HPSE: variants seen among roughly 807,000 people sequenced by gnomAD.
HPSE encodes endo-glucoronidase.
In HPSE, 48 loss-of-function variants were observed where a neutral mutation model predicts 65.1. The observed-to-expected ratio is 0.74, with a 90% confidence interval of 0.58 to 0.94. The LOEUF (loss-of-function observed/expected upper bound fraction) is 0.94, where lower values mean the gene tolerates loss of function less well. Ranked by LOEUF, HPSE falls within the 40% of genes least tolerant of loss-of-function variation. The pLI is 0.00. For synonymous variants in HPSE, 243 were observed against 260.0 expected, an observed-to-expected ratio of 0.93 and a Z score of 0.63; for missense variants, 644 against 637.5, an observed-to-expected ratio of 1.01 and a Z score of -0.11.
At chr4:83,320,207 G>T (rs952735822) in intron 2 of HPSE, among the ~76,000 whole-genome samples, 1 of 152,202 alleles carries the variant, frequency 6.6e-6, no homozygotes, top group East Asian at 1.9e-4. Context: ...GGGAACCGTT[G>T]ACTTTTTTTC....
chr4:83,319,814 A>T (rs1186611550), intron 2 of HPSE, among the ~76,000 whole-genome samples: 5 of 152,144 alleles, frequency 3.3e-5, no homozygotes, highest in Non-Finnish European at 2.9e-5. Context: ...TAATCCCAGC[A>T]CTTTGGGAGG....
intron 9 of HPSE, among the ~76,000 whole-genome samples, chr4:83,303,529 T>G (rs1481153259): frequency 6.6e-6 from 1 of 152,170 alleles, no homozygotes; most frequent in Non-Finnish European, 1.5e-5. Context: ...AGTATTGTGT[T>G]TTTACAAAAA....
intron 1 of HPSE, among the ~76,000 whole-genome samples, chr4:83,332,203 C>T (rs376650230): frequency 3.9e-5 from 6 of 152,240 alleles, no homozygotes; most frequent in Admixed American, 1.3e-4. Flanking sequence ...AAACAACAGG[C>T]GTCTTACTCT....
rs1736928449 is a variant in HPSE, at chr4:83,322,225, T to G, written c.367A>C (p.Asn123His). 2 of 1,613,026 alleles carry G rather than the reference T, an allele frequency of 1.2e-6. No individual in the cohort carries two copies. Among genetic ancestry groups the G allele is most frequent in the Non-Finnish European group, 8.5e-7 (1 of 1,179,562 alleles). Reference protein sequence around the residue: ...EERSYWQSQVNQDICKYGSIP... With the variant: ...EERSYWQSQVHQDICKYGSIP... ...AATCTTTAAAAATTTTCACCCTGGT[T>G]GACTTGAGATTGCCAGTAACTTCTC... Residue 123 changes from asparagine (N) to histidine (H), a missense_variant, in exon 2 of 12, where the codon AAC becomes CAC. Coordinates refer to ENST00000311412, the MANE Select transcript of HPSE (RefSeq NM_001098540.3).
chr4:83,302,377 T>C, intron 9 of HPSE, 109 bp from the exon 10 acceptor site: 2 of 687,578 alleles, frequency 2.9e-6, no homozygotes. Context: ...GTATCACTGT[T>C]ATCCTGGGGG....
chr4:83,306,668 G>A (rs1371636477), intron 8 of HPSE, among the ~76,000 whole-genome samples: 2 of 152,182 alleles, frequency 1.3e-5, no homozygotes, highest in African/African-American at 4.8e-5. Context: ...ATTCCTGGGT[G>A]TAGGCTGAAC....
At chr4:83,315,707 G>A (rs1324576880) in intron 3 of HPSE, among the ~76,000 whole-genome samples, 1 of 152,150 alleles carries the variant, frequency 6.6e-6, no homozygotes, top group Non-Finnish European at 1.5e-5. Flanking sequence ...CTAAAGTCCT[G>A]GGACAAGCAC....
Position 83,302,179 on chromosome 4 carries a change from T to G in HPSE, c.1296A>C (p.Arg432=), listed in dbSNP as rs1282144632. 6 of 1,613,580 alleles carry G rather than the reference T, an allele frequency of 3.7e-6. No individual in the cohort carries two copies. In the Admixed American group the frequency reaches 6.7e-5, roughly 18 times the overall value. ...CAGTGTTTGTGCAATGAAGGTATAC[T>G]CGAAGCTTCCTTCTCTTTGAACCTT... ...SVQGSKRRKL[R]VYLHCTNTDN... The change falls in exon 10 of 12, where the codon CGA becomes CGC. Residue 432 remains arginine, a synonymous_variant. Transcript: ENST00000311412.
chr4:83,334,692 G>A lies in HPSE; in HGVS notation c.91C>T (p.Arg31Ter), dbSNP rs1428598283. Residue 31 changes from arginine to a stop codon, truncating the protein, a stop_gained, in exon 1 of 12, where the codon CGA becomes TGA. Coordinates refer to ENST00000311412, the MANE Select transcript of HPSE (RefSeq NM_001098540.3). LOFTEE classifies it high-confidence loss of function. Reference sequence around the variant, plus strand: ...ACGACGTCCTGTGCTTGCGCAGGTCGGGGCAGGGCGCCAGGGGAGAGGGGA... The same window carrying A: ...ACGACGTCCTGTGCTTGCGCAGGTCAGGGCAGGGCGCCAGGGGAGAGGGGA... ...LGPLSPGALPRPAQAQDVVDL... is the reference protein window; with the variant it reads ...LGPLSPGALP 1 of 1,570,482 alleles carries A rather than the reference G, an allele frequency of 6.4e-7. No homozygotes were observed. The highest frequency in any genetic ancestry group is 8.6e-7 in the Non-Finnish European group (1 of 1,157,674).
intron 11 of HPSE, among the ~76,000 whole-genome samples, chr4:83,298,694 A>G (rs1450203674): frequency 1.3e-5 from 2 of 151,964 alleles, no homozygotes; most frequent in Non-Finnish European, 2.9e-5. Flanking sequence ...CAGGTGTGGT[A>G]GCATAAGCCT....
At chr4:83,309,080 T>C in intron 7 of HPSE, 129 bp from the exon 8 acceptor site, 1 of 679,754 alleles carries the variant, frequency 1.5e-6, no homozygotes, top group East Asian at 2.7e-5. Context: ...AGTTATAAAA[T>C]ATGTTCATAG....
At chr4:83,319,961 A>C (rs1228556447) in intron 2 of HPSE, among the ~76,000 whole-genome samples, 2 of 147,584 alleles carry the variant, frequency 1.4e-5, no homozygotes, top group Non-Finnish European at 3.0e-5. Flanking sequence ...CGGAGGTTGC[A>C]GTGAGCCGAG....
At chr4:83,296,684 A>G (rs992018290) in intron 11 of HPSE, among the ~76,000 whole-genome samples, 4 of 151,940 alleles carry the variant, frequency 2.6e-5, no homozygotes, top group African/African-American at 4.8e-5. Flanking sequence ...AAAGAAAAAA[A>G]AAAAAAAGAA....
chr4:83,295,441 A>G lies in HPSE; in HGVS notation c.1535T>C (p.Met512Thr), dbSNP rs748501273. The G allele has an allele frequency of 2.2e-5, 35 of 1,613,414 alleles. No homozygotes were observed. In the East Asian group the frequency reaches 2.5e-4, roughly 11 times the overall value. ...ACTTCCTGGCCGGAGAGGTTTTTCCATTAAAGGTGGCAAGGTTTGATCATC... is the reference window on the plus strand; with the variant it reads ...ACTTCCTGGCCGGAGAGGTTTTTCCGTTAAAGGTGGCAAGGTTTGATCATC... The part of the protein sequence containing the change: ...MVDDQTLPPL[M>T]EKPLRPGSSL... Residue 512 changes from methionine (M) to threonine (T), a missense_variant, in exon 12 of 12, where the codon ATG becomes ACG. Physicochemically the swap from Met to Thr is moderately conservative, Grantham distance 81 (BLOSUM62 -1). Coordinates refer to ENST00000311412, the MANE Select transcript of HPSE (RefSeq NM_001098540.3).
At position 83,309,099 on chromosome 4, in the gene HPSE, G is replaced by A. The variant is rs541901637; in HGVS notation, c.985-148C>T. 9.0e-6 allele frequency: 6 copies of A among 663,570 alleles called. No individual in the cohort carries two copies. In the East Asian group the frequency reaches 1.4e-4, roughly 15 times the overall value. 41.1% of individuals were successfully genotyped at this position (663,570 alleles called of 1,614,324 possible). A position where few individuals can be genotyped will look rare whatever the true frequency, so the allele number is the denominator to read the frequency against. On this transcript the variant is annotated intron_variant, in intron 7 of 11. Coordinates refer to ENST00000311412, the MANE Select transcript of HPSE (RefSeq NM_001098540.3). ...ATAAAATATGTTCATAGTCATTTAG[G>A]TCTTGGGAAACTTTCTTTTATTGAA...
intron 2 of HPSE, 89 bp downstream of exon 2, chr4:83,322,130 T>C: frequency 2.8e-6 from 3 of 1,089,766 alleles, no homozygotes; most frequent in Non-Finnish European, 4.1e-6. Context: ...CATTAATTGT[T>C]AGGTGTGAGA....
At chr4:83,332,929 CA>C (rs1208771193) in intron 1 of HPSE, among the ~76,000 whole-genome samples, 14 of 151,040 alleles carry the variant, frequency 9.3e-5, no homozygotes, top group African/African-American at 3.4e-4. Context: ...CGCCCCCCCC[CA>C]CCCCACACCC....
intron 1 of HPSE, among the ~76,000 whole-genome samples, chr4:83,322,726 T>C (rs1289692859): frequency 2.0e-5 from 3 of 151,798 alleles, no homozygotes; most frequent in Non-Finnish European, 4.4e-5. Flanking sequence ...TGAATCTAAT[T>C]GAAGGACTGA....
Position 83,308,906 on chromosome 4 carries a change from T to A in HPSE, c.1030A>T (p.Thr344Ser). The A allele has an allele frequency of 6.2e-7, 1 of 1,614,190 alleles. No homozygotes were observed. The change falls in exon 8 of 12, where the codon ACA becomes TCA. Residue 344 changes from threonine (T) to serine (S), a missense_variant. Thr to Ser is a moderately conservative substitution (Grantham distance 58). Transcript: ENST00000311412. ...RPGKKVWLGE[T>S]SSAYGGGAPL... ...GCTCCGCCTCCATATGCAGAGCTTG[T>A]TTCTCCTAACCAGACCTTCTTGCCA...
Sources: gnomAD v4.1 joint callset for allele counts (sites outside exome capture counted in the v4.1 genomes callset) on GRCh38, gnomAD v4.1.1 for gene constraint, MANE v1.5 for transcripts, NCBI Gene and HGNC (gene_info 2026-07-23, HGNC 2026-07-21) for gene names.